Variants in TRHDE observed in about 807,000 individuals in gnomAD.
The protein encoded by TRHDE is thyrotropin releasing hormone degrading enzyme, also known as thyrotropin-releasing hormone-degrading ectoenzyme.
In TRHDE, 72 loss-of-function variants were observed where a neutral mutation model predicts 125.7. The ratio of observed to expected loss-of-function variants is 0.57; its 90% confidence interval spans 0.47 to 0.70. The LOEUF (loss-of-function observed/expected upper bound fraction) is 0.70. Ranked by LOEUF, TRHDE falls within the 30% of genes least tolerant of loss-of-function variation. TRHDE has a pLI of 0.00. For synonymous variants in TRHDE, 509 were observed against 509.1 expected (o/e 1.00, Z 0.00); for missense variants, 1,110 against 1,327.1 (o/e 0.84, Z 2.54).
chr12:72,222,971 T>G (rs557035157), intron 2 of TRHDE, among the ~76,000 whole-genome samples: 1 of 152,202 alleles, frequency 6.6e-6, no homozygotes, highest in Non-Finnish European at 1.5e-5. Context: ...TATTAATATC[T>G]TTTATCAAAG....
intron 5 of TRHDE, among the ~76,000 whole-genome samples, chr12:72,484,615 C>G (rs919706478): frequency 6.6e-6 from 1 of 152,090 alleles, no homozygotes; most frequent in Admixed American, 6.5e-5. Context: ...TGAATGTTAA[C>G]AAATGTCAAG....
chr12:72,515,998 T>C (rs1408654051), intron 6 of TRHDE, among the ~76,000 whole-genome samples: 1 of 148,374 alleles, frequency 6.7e-6, no homozygotes, highest in Admixed American at 6.7e-5. Flanking sequence ...TCCATTGATC[T>C]ATATCTCTGT....
At chr12:72,118,377 C>A (rs559580521) in intron 2 of TRHDE, among the ~76,000 whole-genome samples, 27 of 152,190 alleles carry the variant, frequency 1.8e-4, no homozygotes, top group Non-Finnish European at 2.9e-4. Flanking sequence ...ATATGTTGAA[C>A]CATTCTTGCA....
chr12:72,144,252 G>T (rs1025081309), intron 2 of TRHDE, among the ~76,000 whole-genome samples: 4 of 152,168 alleles, frequency 2.6e-5, no homozygotes, highest in Non-Finnish European at 5.9e-5. Flanking sequence ...AGTGTTTTTT[G>T]CCAGACTCTG....
chr12:72,538,554 C>T (rs1184791801), intron 6 of TRHDE, among the ~76,000 whole-genome samples: 2 of 151,954 alleles, frequency 1.3e-5, no homozygotes, highest in African/African-American at 4.8e-5. Context: ...GGCAGACTCT[C>T]CCACTCTAAT....
intron 5 of TRHDE, among the ~76,000 whole-genome samples, chr12:72,476,309 G>C (rs1455481888): frequency 6.6e-6 from 1 of 152,178 alleles, no homozygotes; most frequent in African/African-American, 2.4e-5. Flanking sequence ...AAACCTACAA[G>C]TAGAAACTCT....
intron 2 of TRHDE, among the ~76,000 whole-genome samples, chr12:72,354,940 T>C (rs145905742): frequency 6.6e-6 from 1 of 151,442 alleles, no homozygotes; most frequent in Non-Finnish European, 1.5e-5. Context: ...TACTATGAGA[T>C]AGGAATTTGC....
In TRHDE at chr12:72,470,863, C is replaced by CTTTTT. The variant is rs768937293; in HGVS notation, c.1470+978_1470+982dup. 7.9e-4 allele frequency among the ~76,000 whole-genome samples: 54 copies of CTTTTT among 67,938 alleles called. 3 individuals carry two copies. The highest frequency in any genetic ancestry group is 1.2e-3 in the South Asian group (2 of 1,694). The allele number at this position is 67,938 out of a possible 152,430, so 44.6% of individuals were successfully genotyped here. A position where few individuals can be genotyped will look rare whatever the true frequency, so the allele number is the denominator to read the frequency against. Reference sequence around the variant, plus strand: ...GACGACCGTTCTATGTAAATGTCAGCTTTTTTTTTTTTTTTTTTTTTTTTT... The same window carrying CTTTTT: ...GACGACCGTTCTATGTAAATGTCAGCTTTTTTTTTTTTTTTTTTTTTTTTTTTTTT... On this transcript the variant is annotated intron_variant, in intron 4 of 18. Coordinates refer to ENST00000261180, the MANE Select transcript of TRHDE (RefSeq NM_013381.3).
At chr12:72,587,726 C>T (rs1005080987) in intron 12 of TRHDE, among the ~76,000 whole-genome samples, 1 of 151,906 alleles carries the variant, frequency 6.6e-6, no homozygotes, top group African/African-American at 2.4e-5. Context: ...ATTTTATACA[C>T]ATGAATTATA....
chr12:72,407,768 A>T (rs1265970320), intron 3 of TRHDE, among the ~76,000 whole-genome samples: 3 of 152,186 alleles, frequency 2.0e-5, no homozygotes, highest in Admixed American at 6.5e-5. Flanking sequence ...CACAGGGCGC[A>T]CTCTAGGTGG....
rs751670663 is a variant in TRHDE, at chr12:72,469,915, A to T, written c.1470+3A>T. 1.2e-6 allele frequency: 2 copies of T among 1,613,444 alleles called. No homozygotes were observed. Among genetic ancestry groups the T allele is most frequent in the South Asian group, 1.1e-5 (1 of 91,014 alleles). ...TTGTTCATGAGATATGTCACCAGGT[A>T]TGAGAAAAAGAATCAGGTGTAAGTA... On this transcript the variant is annotated splice_donor_region_variant and intron_variant, in intron 4 of 18. Transcript: ENST00000261180.
intron 2 of TRHDE, among the ~76,000 whole-genome samples, chr12:72,362,722 T>A (rs1353619827): frequency 6.6e-6 from 1 of 152,030 alleles, no homozygotes; most frequent in Admixed American, 6.6e-5. Flanking sequence ...CTGTAATCCA[T>A]CTTGAATTAA....
chr12:72,654,718 A>G (rs1383118144), intron 17 of TRHDE, among the ~76,000 whole-genome samples: 2 of 152,136 alleles, frequency 1.3e-5, no homozygotes, highest in Admixed American at 6.6e-5. Flanking sequence ...CTTGCCATAT[A>G]TAACAATTAG....
intron 2 of TRHDE, among the ~76,000 whole-genome samples, chr12:72,287,187 C>G (rs1464357502): frequency 2.0e-5 from 3 of 152,130 alleles, no homozygotes; most frequent in Non-Finnish European, 4.4e-5. Flanking sequence ...ACCTCCCTCC[C>G]CCATCATCCT....
At chr12:72,148,751 CTCCTATGAATTCA>C (rs1876285859) in intron 2 of TRHDE, among the ~76,000 whole-genome samples, 1 of 152,206 alleles carries the variant, frequency 6.6e-6, no homozygotes, top group African/African-American at 2.4e-5. Flanking sequence ...ACGTTTCAAT[CTCCTATGAATTCA>C]TCCTTGCAAG....
At chr12:72,521,456 G>A (rs1034725929) in intron 6 of TRHDE, among the ~76,000 whole-genome samples, 1 of 152,042 alleles carries the variant, frequency 6.6e-6, no homozygotes, top group African/African-American at 2.4e-5. Context: ...GAGAGTGTGA[G>A]TCGCAGCAAT....
At chr12:72,575,876 C>A (rs571496235) in intron 12 of TRHDE, among the ~76,000 whole-genome samples, 1 of 152,188 alleles carries the variant, frequency 6.6e-6, no homozygotes, top group East Asian at 1.9e-4. Context: ...TACCTTGAAG[C>A]ATTGGCAATT....
chr12:72,489,190 G>GA (rs1365673034), intron 5 of TRHDE, among the ~76,000 whole-genome samples: 5 of 142,884 alleles, frequency 3.5e-5, no homozygotes, highest in East Asian at 4.1e-4. Context: ...AAAAACCATA[G>GA]AAAAAATCAA....
rs138052337 is a variant in TRHDE at position 72,199,340 on chromosome 12, C to G, written n.279+93588C>G. ...GAGGTAGGTCAAGCTGCACTCAGCT[C>G]TAACTTCCTGTAATTATAAGTGCAT... On this transcript the variant is annotated intron_variant and non_coding_transcript_variant, in intron 2 of 4. Transcript: ENST00000548156. Among the ~76,000 whole-genome samples the G allele has an allele frequency of 3.2e-3, 481 of 152,258 alleles. 3 individuals are homozygous for G. Among genetic ancestry groups the G allele is most frequent in the South Asian group, 7.7e-3 (37 of 4,818 alleles).
Sources: allele counts gnomAD v4.1 joint callset (sites outside exome capture counted in the v4.1 genomes callset), GRCh38; gene constraint gnomAD v4.1.1; transcripts MANE v1.5; gene names NCBI Gene and HGNC (gene_info 2026-07-23, HGNC 2026-07-21).